Variants in BCL6 observed in about 807,000 individuals in gnomAD.
BCL6 encodes the protein BCL6 transcription repressor.
In BCL6, 7 loss-of-function variants were observed where a neutral mutation model predicts 59.5. That is an observed-to-expected ratio of 0.12 (90% CI 0.07 to 0.22). BCL6 has a LOEUF of 0.22. Ranked by LOEUF, BCL6 falls within the 10% of genes least tolerant of loss-of-function variation. BCL6 has a pLI of 1.00. For synonymous variants in BCL6, 339 were observed against 349.7 expected (o/e 0.97, Z 0.34); for missense variants, 685 against 939.4 (o/e 0.73, Z 3.54).
Position 187,724,959 on chromosome 3 carries a change from T to C in BCL6, c.1959A>G (p.Thr653=). The C allele has an allele frequency of 6.2e-7, 1 of 1,614,222 alleles. No homozygotes were observed. Among genetic ancestry groups the C allele is most frequent in the Non-Finnish European group, 8.5e-7 (1 of 1,180,042 alleles). ...TACGTACATGGTAAGGTTTCTCTCC[T>C]GTGTGGATTCGCAGGTGGCTCTTCA... ...QTLKSHLRIH[T]GEKPYHCEKC... The change falls in exon 9 of 10, where the codon ACA becomes ACG. Residue 653 remains threonine, a synonymous_variant. Transcript: ENST00000406870.
Position 187,743,022 on chromosome 3 carries a change from C to CTTT in BCL6, c.-50+2385_-50+2387dup, listed in dbSNP as rs3054746. ...CTCCTGATGGATCTTGCCGCCCCCTCTTTTTTTTTTTAAGTTATTTATTAA... is the reference window on the plus strand; with the variant it reads ...CTCCTGATGGATCTTGCCGCCCCCTCTTTTTTTTTTTTTTAAGTTATTTATTAA... On this transcript the variant is annotated intron_variant, in intron 1 of 9. Coordinates refer to ENST00000406870, the MANE Select transcript of BCL6 (RefSeq NM_001706.5). Among the ~76,000 whole-genome samples, 220 of 146,590 alleles carry CTTT rather than the reference C, an allele frequency of 1.5e-3. 3 individuals are homozygous for CTTT. Among genetic ancestry groups the CTTT allele is most frequent in the East Asian group, 5.0e-3 (25 of 5,040 alleles).
intron 7 of BCL6, 103 bp downstream of exon 7, chr3:187,726,628 G>A: frequency 2.0e-6 from 3 of 1,498,128 alleles, no homozygotes; most frequent in Non-Finnish European, 2.7e-6. Flanking sequence ...CTCCTGCCTT[G>A]CCCCACCAGG....
At position 187,729,980 on chromosome 3, in the gene BCL6, T is replaced by G. The variant is rs777622359; in HGVS notation, c.425A>C (p.Glu142Ala). The G allele has an allele frequency of 5.6e-6, 9 of 1,597,088 alleles. No homozygotes were observed. The highest frequency in any genetic ancestry group is 7.7e-6 in the Non-Finnish European group (9 of 1,170,598). Reference protein sequence around the residue: ...MVSAIKPPREEFLNSRMLMPQ... With the variant: ...MVSAIKPPREAFLNSRMLMPQ... ...CATCAGCATCCGGCTGTTGAGGAAC[T>G]CTTCACGAGGAGGCTTGATGGCAGA... is the stretch of plus-strand genomic sequence containing the variant. The change falls in exon 5 of 10, where the codon GAG becomes GCG. Residue 142 changes from glutamate (E) to alanine (A), a missense_variant. By Grantham distance (107) the Glu-to-Ala change is moderately radical (BLOSUM62 -1). Transcript: ENST00000406870. This position sits in a 1 kb window ranked among gnomAD's most constrained non-coding sequence, Gnocchi z 5.6.
chr3:187,729,078 C>A lies in BCL6; in HGVS notation c.1327G>T (p.Ala443Ser). 1 of 1,532,636 alleles carries A rather than the reference C, an allele frequency of 6.5e-7. No homozygotes were observed. Among genetic ancestry groups the A allele is most frequent in the Non-Finnish European group, 8.8e-7 (1 of 1,141,518 alleles). The allele number at this position is 1,532,636 out of a possible 1,614,324, so 94.9% of individuals were successfully genotyped here. The change falls in exon 5 of 10, where the codon GCC (alanine) becomes TCC (serine). Residue 443 changes from alanine to serine, a missense_variant. By Grantham distance (99) the Ala-to-Ser change is moderately conservative. Around this residue, in one of 7 missense-constraint regions of BCL6, gnomAD observed 207 missense variants for 213.7 expected, o/e 0.97. Transcript: ENST00000406870. The surrounding 1 kb of genome is among the most constrained non-coding windows in gnomAD (Gnocchi z 5.6). ...TTAACGATGTTATTGAGCCGGCTGG[C>A]TTGTGGGATGGTGGAGTCCTCCCCG... ...ASGEDSTIPQ[A>S]SRLNNIVNRS...
Position 187,729,439 on chromosome 3 carries a change from G to C in BCL6, c.966C>G (p.Pro322=), listed in dbSNP as rs1214796187. The C allele has an allele frequency of 6.2e-7, 1 of 1,609,912 alleles. No individual in the cohort carries two copies. The highest frequency in any genetic ancestry group is 8.5e-7 in the Non-Finnish European group (1 of 1,177,556). Residue 322 remains proline (P), a synonymous_variant, in exon 5 of 10, where the codon CCC becomes CCG. Coordinates refer to ENST00000406870, the MANE Select transcript of BCL6 (RefSeq NM_001706.5). The surrounding 1 kb of genome is among the most constrained non-coding windows in gnomAD (Gnocchi z 5.6). ...GACTAACCAGACCCTTCCGGTTCAG[G>C]GGTGCATTGGGGGGCTCGAAATGCA... ...IALHFEPPNA[P]LNRKGLVSPQ...
Position 187,733,685 on chromosome 3 carries a change from C to T in BCL6, c.9G>A (p.Ser3=), listed in dbSNP as rs776490278. The change falls in exon 3 of 10, where the codon TCG becomes TCA. Residue 3 remains serine (S), a synonymous_variant. Coordinates refer to ENST00000406870, the MANE Select transcript of BCL6 (RefSeq NM_001706.5). Reference sequence around the variant, plus strand: ...TGAACTGGATACAGCTGTCAGCCGGCGAGGCCATTTTGTCTTCACTTGAAA... The same window carrying T: ...TGAACTGGATACAGCTGTCAGCCGGTGAGGCCATTTTGTCTTCACTTGAAA... The part of the protein sequence containing the change: MA[S]PADSCIQFTR... The T allele has an allele frequency of 1.4e-5, 23 of 1,613,922 alleles. No individual in the cohort carries two copies. The highest frequency in any genetic ancestry group is 1.6e-4 in the Middle Eastern group (1 of 6,084).
At chr3:187,745,061 A>C (rs529013845) in intron 1 of BCL6, among the ~76,000 whole-genome samples, 1 of 151,890 alleles carries the variant, frequency 6.6e-6, no homozygotes, top group Non-Finnish European at 1.5e-5. Flanking sequence ...CAAAAACCAA[A>C]ACAACACAAG....
chr3:187,745,179 A>T (rs577114077), intron 1 of BCL6, among the ~76,000 whole-genome samples: 1 of 152,274 alleles, frequency 6.6e-6, no homozygotes. Context: ...CGTGGGACTA[A>T]TCTTCGGCAT....
intron 7 of BCL6, among the ~76,000 whole-genome samples, chr3:187,726,045 AG>A (rs1453000760): frequency 1.3e-5 from 2 of 152,228 alleles, no homozygotes; most frequent in Admixed American, 6.5e-5. Context: ...TTACCTGGGA[AG>A]GTTCTTCTAG....
At chr3:187,726,924 C>T in intron 6 of BCL6, 26 bp from the exon 7 acceptor site, 1 of 1,612,120 alleles carries the variant, frequency 6.2e-7, no homozygotes, top group Non-Finnish European at 8.5e-7. Context: ...AGGGGGACAC[C>T]AAAGTCAGCA....
At position 187,725,120 on chromosome 3, in the gene BCL6, T is replaced by C; in HGVS notation, c.1840-42A>G. The C allele has an allele frequency of 1.2e-6, 2 of 1,611,794 alleles. No homozygotes were observed. The highest frequency in any genetic ancestry group is 1.7e-6 in the Non-Finnish European group (2 of 1,179,398). ...GCATGAGAGGTCTTCTGGGGTGGGC[T>C]GCAGGCCTCTGGGCAGCCCCTCATT... On this transcript the variant is annotated intron_variant, in intron 8 of 9. Transcript: ENST00000406870. This position sits in a 1 kb window ranked among gnomAD's most constrained non-coding sequence, Gnocchi z 4.7.
At chr3:187,728,848 C>A (rs896096282) in intron 5 of BCL6, among the ~76,000 whole-genome samples, 1 of 152,128 alleles carries the variant, frequency 6.6e-6, no homozygotes, top group African/African-American at 2.4e-5. Flanking sequence ...CTATTCTGCC[C>A]CAGAAGGGAA....
intron 1 of BCL6, among the ~76,000 whole-genome samples, chr3:187,744,734 C>T (rs551721129): frequency 3.3e-5 from 5 of 151,894 alleles, no homozygotes; most frequent in Middle Eastern, 3.4e-3. Flanking sequence ...CCGGAGTTAC[C>T]CAGAAGGACA....
chr3:187,732,643 T>G (rs1456784869), intron 3 of BCL6, among the ~76,000 whole-genome samples: 1 of 152,204 alleles, frequency 6.6e-6, no homozygotes, highest in Non-Finnish European at 1.5e-5. Context: ...TATGCAACTT[T>G]GGGTAAGATA....
intron 9 of BCL6, 41 bp from the exon 10 acceptor site, chr3:187,722,642 C>T (rs1222579020): frequency 1.3e-6 from 2 of 1,594,730 alleles, no homozygotes; most frequent in East Asian, 2.3e-5. Flanking sequence ...TGTCATCAAC[C>T]CAAGAAAGAT....
At chr3:187,737,886 T>G (rs1332437025) in intron 1 of BCL6, 3 of 151,626 alleles carry the variant, frequency 2.0e-5, no homozygotes, top group Admixed American at 6.6e-5. Flanking sequence ...CTTTGCCTAT[T>G]GCCGGCTCCA....
At chr3:187,743,878 A>C (rs1404666268) in intron 1 of BCL6, among the ~76,000 whole-genome samples, 1 of 152,082 alleles carries the variant, frequency 6.6e-6, no homozygotes, top group African/African-American at 2.4e-5. Context: ...CCAACCTCGC[A>C]ATCTATTTTT....
Position 187,726,732 on chromosome 3 carries a change from G to A in BCL6, c.1707C>T (p.Thr569=), listed in dbSNP as rs749953903. 1.3e-5 allele frequency: 21 copies of A among 1,613,754 alleles called. No individual in the cohort carries two copies. Among genetic ancestry groups the A allele is most frequent in the South Asian group, 6.6e-5 (6 of 91,058 alleles). Residue 569 remains threonine, a splice_region_variant and synonymous_variant, in exon 7 of 10, where the codon ACC becomes ACT. Transcript: ENST00000406870. The part of the protein sequence containing the change: ...GNLASHKTVH[T]GEKPYRCNIC... ...GGGTCGTGTGGGGCAGGGCCATACC[G>A]GTATGGACGGTCTTGTGGCTGGCGA...
At position 187,729,844 on chromosome 3, in the gene BCL6, G is replaced by A. The variant is rs137950861; in HGVS notation, c.561C>T (p.Gly187=). 5 of 1,613,912 alleles carry A rather than the reference G, an allele frequency of 3.1e-6. No homozygotes were observed. The Middle Eastern group carries it at 4.9e-4, about 159-fold the overall frequency. The change falls in exon 5 of 10, where the codon GGC becomes GGT. Residue 187 remains glycine (G), a synonymous_variant. Coordinates refer to ENST00000406870, the MANE Select transcript of BCL6 (RefSeq NM_001706.5). This position sits in a 1 kb window ranked among gnomAD's most constrained non-coding sequence, Gnocchi z 5.6. ...SRAFAPSLYS[G]LSTPPASYSM... is the part of the protein sequence containing the mutation. ...AATAAGAGGCTGGCGGTGTGGACAGGCCACTGTACAGGCTGGGGGCAAAGG... is the reference window on the plus strand; with the variant it reads ...AATAAGAGGCTGGCGGTGTGGACAGACCACTGTACAGGCTGGGGGCAAAGG...
Sources: allele counts gnomAD v4.1 joint callset (sites outside exome capture counted in the v4.1 genomes callset), GRCh38; gene constraint gnomAD v4.1.1; regional missense constraint gnomAD v4.1.1; non-coding constraint Gnocchi (gnomAD v3.1); transcripts MANE v1.5; gene names NCBI Gene and HGNC (gene_info 2026-07-23, HGNC 2026-07-21).